TMEM98: variants seen among roughly 807,000 people sequenced by gnomAD.
TMEM98 encodes the protein transmembrane protein 98.
TMEM98 carries 18 observed loss-of-function variants against 25.0 expected under a neutral mutation model. That is an observed-to-expected ratio of 0.72 (90% CI 0.50 to 1.07). The LOEUF (loss-of-function observed/expected upper bound fraction) is 1.07, where lower values mean the gene tolerates loss of function less well. Ranked by LOEUF, TMEM98 falls within the 50% of genes least tolerant of loss-of-function variation. The probability of loss-of-function intolerance (pLI) is 0.00; values close to 1 mark genes in which losing one functional copy is unlikely to be tolerated. For synonymous variants in TMEM98, 103 were observed against 112.4 expected, an observed-to-expected ratio of 0.92 and a Z score of 0.53; for missense variants, 241 against 289.0, an observed-to-expected ratio of 0.83 and a Z score of 1.20.
chr17:32,928,844 CAG>C lies in TMEM98; in HGVS notation c.-131+609_-131+610del, dbSNP rs1341619051. Among the ~76,000 whole-genome samples, 6 of 146,858 alleles carry C rather than the reference CAG, an allele frequency of 4.1e-5. No homozygotes were observed. In the East Asian group the frequency reaches 9.8e-4, roughly 24 times the overall value. ...ACAAGATAAACACTCAGCTCACACA[CAG>C]AAGCACACTCAGAAACATTCAGTTC... On this transcript the variant is annotated intron_variant, in intron 1 of 7. Coordinates refer to ENST00000579849, the MANE Select transcript of TMEM98 (RefSeq NM_015544.3).
At chr17:32,934,379 G>A in intron 5 of TMEM98, 55 bp downstream of exon 5, 2 of 1,599,504 alleles carry the variant, frequency 1.3e-6, no homozygotes, top group South Asian at 1.1e-5. Context: ...GCACCACTGT[G>A]CGTGGATGGA....
chr17:32,934,606 G>T (rs1021499694), intron 5 of TMEM98, among the ~76,000 whole-genome samples: 1 of 152,184 alleles, frequency 6.6e-6, no homozygotes, highest in Non-Finnish European at 1.5e-5. Context: ...ACTCCTCTTG[G>T]AGAAAGCTGT....
At chr17:32,938,729 T>C (rs1371950869) in intron 6 of TMEM98, among the ~76,000 whole-genome samples, 1 of 152,188 alleles carries the variant, frequency 6.6e-6, no homozygotes, top group Non-Finnish European at 1.5e-5. Context: ...CAGACATACA[T>C]GACCTGGAAA....
intron 5 of TMEM98, 110 bp from the exon 6 acceptor site, chr17:32,936,222 G>GCTCT: frequency 1.3e-6 from 1 of 772,788 alleles, no homozygotes; most frequent in South Asian, 1.7e-5. Flanking sequence ...CCATTAGGTT[G>GCTCT]GGGGCCAGCT....
chr17:32,930,349 G>A (rs781061670), intron 1 of TMEM98, among the ~76,000 whole-genome samples: 1 of 151,926 alleles, frequency 6.6e-6, no homozygotes, highest in Non-Finnish European at 1.5e-5. Flanking sequence ...CATTTTATGT[G>A]TGTTTGTGCC....
At chr17:32,930,361 A>G (rs1299095600) in intron 1 of TMEM98, among the ~76,000 whole-genome samples, 2 of 148,774 alleles carry the variant, frequency 1.3e-5, no homozygotes, top group Non-Finnish European at 3.0e-5. Flanking sequence ...GTTTGTGCCT[A>G]TCGATGTGTT....
At chr17:32,931,761 G>A in intron 3 of TMEM98, 102 bp downstream of exon 3, 1 of 1,456,420 alleles carries the variant, frequency 6.9e-7, no homozygotes, top group Non-Finnish European at 9.1e-7. Context: ...TCAGCTTTTT[G>A]GTTCTAAAAT....
At chr17:32,938,878 G>A (rs2091511982) in intron 6 of TMEM98, among the ~76,000 whole-genome samples, 1 of 152,076 alleles carries the variant, frequency 6.6e-6, no homozygotes, top group South Asian at 2.1e-4. Context: ...ATATTATTTG[G>A]CAATTTGCCT....
chr17:32,936,404 AGT>A lies in TMEM98; in HGVS notation c.373_374del (p.Val125GlnfsTer16). On this transcript the variant is annotated frameshift_variant, in exon 6 of 8. Coordinates refer to ENST00000579849, the MANE Select transcript of TMEM98 (RefSeq NM_015544.3). LOFTEE classifies it high-confidence loss of function. ...TGGGGCCAAGATGAAGACTTCAGCCAGTGTCAGCGACATCATTGTGGTGGCCA... is the reference window on the plus strand; with the variant it reads ...TGGGGCCAAGATGAAGACTTCAGCCAGTCAGCGACATCATTGTGGTGGCCA... ...GSGAKMKTSA[S>X]VSDIIVVAKR... is the part of the protein sequence containing the mutation. 6.2e-7 allele frequency: 1 copy of A among 1,614,196 alleles called. No individual in the cohort carries two copies. The highest frequency in any genetic ancestry group is 8.5e-7 in the Non-Finnish European group (1 of 1,180,032).
chr17:32,938,569 T>A lies in TMEM98; in HGVS notation c.414-908T>A, dbSNP rs113399159. 9.3e-3 allele frequency among the ~76,000 whole-genome samples: 1,415 copies of A among 152,322 alleles called. 29 individuals are homozygous for A. Among genetic ancestry groups the A allele is most frequent in the African/African-American group, 0.033 (1,355 of 41,566 alleles). ...TAGTTCTGAACTTGATTTAAAAAAA[T>A]TAACCACAGGGTAGAAGAAATCCAG... On this transcript the variant is annotated intron_variant, in intron 6 of 7. Coordinates refer to ENST00000579849, the MANE Select transcript of TMEM98 (RefSeq NM_015544.3).
chr17:32,934,404 T>C, intron 5 of TMEM98, 80 bp downstream of exon 5: 2 of 1,532,812 alleles, frequency 1.3e-6, no homozygotes, highest in South Asian at 2.3e-5. Flanking sequence ...AACGGGACCT[T>C]AGAAAGGGCA....
intron 7 of TMEM98, 21 bp downstream of exon 7, chr17:32,939,557 A>G (rs1424292476): frequency 6.2e-7 from 1 of 1,613,942 alleles, no homozygotes; most frequent in African/African-American, 1.3e-5. Flanking sequence ...GGGTGGGTGC[A>G]TGTTCGGTTT....
Position 32,943,716 on chromosome 17 carries a change from A to G in TMEM98, c.*2723A>G, listed in dbSNP as rs2091542266. On this transcript the variant is annotated 3_prime_UTR_variant, in exon 8 of 8. Transcript: ENST00000579849. ...CATCTGTATGGTCAAGGCTATTGTC[A>G]TTGGGTTGGTATGTCAACAAGCAAA... 6.6e-6 allele frequency: 1 copy of G among 152,166 alleles called. No homozygotes were observed. The highest frequency in any genetic ancestry group is 2.1e-4 in the South Asian group (1 of 4,824). 9.4% of individuals were successfully genotyped at this position (152,166 alleles called of 1,614,324 possible).
chr17:32,936,432 A>C lies in TMEM98; in HGVS notation c.398A>C (p.Lys133Thr), dbSNP rs764175225. The C allele has an allele frequency of 2.5e-6, 4 of 1,614,204 alleles. No individual in the cohort carries two copies. The East Asian group carries it at 8.9e-5, about 36-fold the overall frequency. The change falls in exon 6 of 8, where the codon AAG (lysine) becomes ACG (threonine). Residue 133 changes from lysine to threonine, a missense_variant. By Grantham distance (78) the Lys-to-Thr change is moderately conservative. Coordinates refer to ENST00000579849, the MANE Select transcript of TMEM98 (RefSeq NM_015544.3). ...GTCAGCGACATCATTGTGGTGGCCA[A>C]GCGGATCAGCCCCAGGTGAGCAATT... ...ASVSDIIVVA[K>T]RISPRVDDVV... is the part of the protein sequence containing the mutation.
Position 32,931,482 on chromosome 17 carries a change from C to A in TMEM98, c.-47C>A. On this transcript the variant is annotated 5_prime_UTR_variant, in exon 3 of 8. Coordinates refer to ENST00000579849, the MANE Select transcript of TMEM98 (RefSeq NM_015544.3). ...ACTTCATGTTCTCTCAAGCTTTAGCCCATGAGGAGGATGTGACCGGGACTG... is the reference window on the plus strand; with the variant it reads ...ACTTCATGTTCTCTCAAGCTTTAGCACATGAGGAGGATGTGACCGGGACTG... The A allele has an allele frequency of 6.3e-7, 1 of 1,590,234 alleles. No individual in the cohort carries two copies. The highest frequency in any genetic ancestry group is 8.6e-7 in the Non-Finnish European group (1 of 1,168,054).
At position 32,934,348 on chromosome 17, in the gene TMEM98, G is replaced by A. The variant is rs768636073; in HGVS notation, c.297+24G>A. On this transcript the variant is annotated intron_variant, in intron 5 of 7. Transcript: ENST00000579849. ...AGGTAACCCTCTCTTATTTCTCTGT[G>A]GGATAAAGGGTAGTCGAAAAGCACC... The A allele has an allele frequency of 3.7e-6, 6 of 1,613,768 alleles. No individual in the cohort carries two copies. In the South Asian group the frequency reaches 5.5e-5, roughly 15 times the overall value.
chr17:32,935,408 T>G (rs1436479015), intron 5 of TMEM98, among the ~76,000 whole-genome samples: 2 of 152,144 alleles, frequency 1.3e-5, no homozygotes, highest in Non-Finnish European at 1.5e-5. Flanking sequence ...ATTAGGAGGA[T>G]AAATGGCACC....
Position 32,940,909 on chromosome 17 carries a change from C to G in TMEM98, c.597C>G (p.Val199=). ...SLSAAEEHLE[V]LREAALASEP... ...CGGCTGCTGAGGAGCATTTGGAAGT[C>G]CTTCGAGAAGCAGCCCTAGCTTCTG... is the stretch of plus-strand genomic sequence containing the variant. The change falls in exon 8 of 8, where the codon GTC becomes GTG. Residue 199 remains valine (V), a synonymous_variant. Coordinates refer to ENST00000579849, the MANE Select transcript of TMEM98 (RefSeq NM_015544.3). The G allele has an allele frequency of 6.2e-7, 1 of 1,614,168 alleles. No homozygotes were observed. Among genetic ancestry groups the G allele is most frequent in the Non-Finnish European group, 8.5e-7 (1 of 1,180,040 alleles).
chr17:32,931,941 C>T (rs2091471979), intron 3 of TMEM98, among the ~76,000 whole-genome samples: 1 of 152,102 alleles, frequency 6.6e-6, no homozygotes, highest in African/African-American at 2.4e-5. Context: ...TCAAACTGGC[C>T]ACCTCACTTA....
Sources: gnomAD v4.1 joint callset for allele counts (sites outside exome capture counted in the v4.1 genomes callset) on GRCh38, gnomAD v4.1.1 for gene constraint, MANE v1.5 for transcripts, NCBI Gene and HGNC (gene_info 2026-07-23, HGNC 2026-07-21) for gene names.